TTC7B: variants seen among roughly 807,000 people sequenced by gnomAD.
TTC7B encodes tetratricopeptide repeat protein 7B.
Under a neutral mutation model 106.8 loss-of-function variants are expected in TTC7B, and 28 were observed. That is an observed-to-expected ratio of 0.26 (90% CI 0.19 to 0.36). TTC7B has a LOEUF of 0.36. Among genes scored for constraint, TTC7B ranks in the 10% least tolerant of loss-of-function variants. The probability of loss-of-function intolerance (pLI) is 1.00; values close to 1 mark genes in which losing one functional copy is unlikely to be tolerated. For missense variants in TTC7B, 862 were observed against 1,076.4 expected (o/e 0.80, Z 2.79); for synonymous variants, 405 against 430.6 (o/e 0.94, Z 0.74).
chr14:90,677,623 G>C (rs568778587), intron 8 of TTC7B, among the ~76,000 whole-genome samples: 1 of 152,274 alleles, frequency 6.6e-6, no homozygotes, highest in African/African-American at 2.4e-5. Flanking sequence ...TAGGAGCAGA[G>C]AAAGGCCCCC....
chr14:90,546,256 T>C (rs1400477786), intron 19 of TTC7B, among the ~76,000 whole-genome samples: 1 of 152,254 alleles, frequency 6.6e-6, no homozygotes. Flanking sequence ...CCCACAGTGC[T>C]GGCCAGGGAC....
intron 19 of TTC7B, among the ~76,000 whole-genome samples, chr14:90,562,913 C>G (rs930886238): frequency 1.3e-5 from 2 of 152,228 alleles, no homozygotes; most frequent in African/African-American, 4.8e-5. Flanking sequence ...GCTGCCAGCA[C>G]TTGGCCCACA....
intron 5 of TTC7B, among the ~76,000 whole-genome samples, chr14:90,717,885 A>G (rs558404411): frequency 3.3e-5 from 5 of 152,298 alleles, no homozygotes; most frequent in East Asian, 1.9e-4. Context: ...TGCTTCCCCA[A>G]CAGATACATC....
At chr14:90,661,366 G>A (rs1161872680) in intron 9 of TTC7B, among the ~76,000 whole-genome samples, 1 of 152,204 alleles carries the variant, frequency 6.6e-6, no homozygotes, top group Non-Finnish European at 1.5e-5. Context: ...GAGCACAGCG[G>A]GGAGGCAGAA....
chr14:90,588,813 C>T (rs1765749524), intron 18 of TTC7B, among the ~76,000 whole-genome samples: 1 of 148,462 alleles, frequency 6.7e-6, no homozygotes, highest in African/African-American at 2.5e-5. Context: ...TTCCAAATAT[C>T]ATGGGAGGCA....
intron 2 of TTC7B, among the ~76,000 whole-genome samples, chr14:90,782,586 G>A (rs1177655529): frequency 5.3e-5 from 8 of 152,104 alleles, no homozygotes; most frequent in African/African-American, 4.8e-5. Context: ...ATGACAGAGC[G>A]AGACTCTGTC....
intron 9 of TTC7B, among the ~76,000 whole-genome samples, chr14:90,673,449 G>A (rs1355987052): frequency 1.3e-5 from 2 of 152,150 alleles, no homozygotes; most frequent in African/African-American, 2.4e-5. Context: ...AAGAAGGAGC[G>A]CGGGTCTGTC....
intron 6 of TTC7B, among the ~76,000 whole-genome samples, chr14:90,692,646 A>T (rs1010175908): frequency 6.6e-6 from 1 of 152,208 alleles, no homozygotes. Context: ...AACACTTGCC[A>T]ATTCAGTCAG....
chr14:90,602,558 G>A (rs562467167), intron 17 of TTC7B, among the ~76,000 whole-genome samples: 5 of 152,252 alleles, frequency 3.3e-5, no homozygotes, highest in African/African-American at 1.2e-4. Context: ...AAAATTAGCT[G>A]GGTATGATGG....
intron 15 of TTC7B, among the ~76,000 whole-genome samples, chr14:90,618,524 G>A (rs978905454): frequency 2.0e-5 from 3 of 152,168 alleles, no homozygotes; most frequent in Admixed American, 2.0e-4. Flanking sequence ...CATGAAGAAG[G>A]GCAGCCTCCG....
chr14:90,673,893 G>GA (rs944890109), intron 9 of TTC7B, among the ~76,000 whole-genome samples: 30 of 150,996 alleles, frequency 2.0e-4, no homozygotes, highest in Admixed American at 1.1e-3. Flanking sequence ...AGTATCCATA[G>GA]AAAAAAAAAG....
intron 13 of TTC7B, among the ~76,000 whole-genome samples, chr14:90,649,796 C>T (rs1885636988): frequency 6.6e-6 from 1 of 152,034 alleles, no homozygotes. Context: ...CCCATCCATC[C>T]ACCATCCACC....
At chr14:90,660,929 T>C (rs1886178206) in intron 9 of TTC7B, among the ~76,000 whole-genome samples, 1 of 152,232 alleles carries the variant, frequency 6.6e-6, no homozygotes. Context: ...ACGGGCAATG[T>C]GTTCAGCTCA....
intron 5 of TTC7B, among the ~76,000 whole-genome samples, chr14:90,717,106 G>A (rs577583316): frequency 1.5e-4 from 23 of 152,290 alleles, no homozygotes; most frequent in Non-Finnish European, 2.8e-4. Flanking sequence ...TTGGGAGGCC[G>A]AGGCAGGCAG....
rs1050426319 is a variant in TTC7B at position 90,531,319 on chromosome 14, C to T, written c.*10049G>A. ...GGCACAGTGGCTCACGCCTGTAATC[C>T]CAGCACTTTGGGAGGCTGAGGCGGG... On this transcript the variant is annotated 3_prime_UTR_variant, in exon 20 of 20. Transcript: ENST00000328459. 3.3e-5 allele frequency: 5 copies of T among 152,078 alleles called. No individual in the cohort carries two copies. Among genetic ancestry groups the T allele is most frequent in the Admixed American group, 1.3e-4 (2 of 15,268 alleles). The allele number at this position is 152,078 out of a possible 1,614,324, so 9.4% of individuals were successfully genotyped here.
rs957146758 is a variant in TTC7B at position 90,570,594 on chromosome 14, G to A, written c.2310+7512C>T. Among the ~76,000 whole-genome samples the A allele has an allele frequency of 6.6e-6, 1 of 152,098 alleles. No individual in the cohort carries two copies. The highest frequency in any genetic ancestry group is 1.5e-5 in the Non-Finnish European group (1 of 68,020). On this transcript the variant is annotated intron_variant, in intron 19 of 19. Transcript: ENST00000328459. This position sits in a 1 kb window ranked among gnomAD's most constrained non-coding sequence, Gnocchi z 4.0. ...TCGTGCTCGCGGCCGACCACGCACC[G>A]AGATATATTCTCATTTCGGCTCCTC...
intron 3 of TTC7B, among the ~76,000 whole-genome samples, chr14:90,770,279 A>G (rs540106032): frequency 6.6e-6 from 1 of 152,386 alleles, no homozygotes; most frequent in South Asian, 2.1e-4. Context: ...CATGAAGCAA[A>G]AAATTCACAC....
chr14:90,603,938 T>C (rs779895437), intron 17 of TTC7B, among the ~76,000 whole-genome samples: 10 of 152,194 alleles, frequency 6.6e-5, no homozygotes, highest in Non-Finnish European at 1.5e-4. Context: ...GATGGAAAGA[T>C]GACTTCAGCT....
chr14:90,673,545 G>C (rs1310712921), intron 9 of TTC7B, among the ~76,000 whole-genome samples: 2 of 152,114 alleles, frequency 1.3e-5, no homozygotes, highest in African/African-American at 4.8e-5. Flanking sequence ...TGAAGACAGG[G>C]AAATATAACA....
Sources: gnomAD v4.1 joint callset for allele counts (sites outside exome capture counted in the v4.1 genomes callset) on GRCh38, gnomAD v4.1.1 for gene constraint, Gnocchi (gnomAD v3.1) non-coding constraint, MANE v1.5 for transcripts, NCBI Gene and HGNC (gene_info 2026-07-23, HGNC 2026-07-21) for gene names.